ZSCAN18: variants seen among roughly 807,000 people sequenced by gnomAD.
The protein encoded by ZSCAN18 is zinc finger and SCAN domain containing 18.
A neutral mutation model predicts 31.1 loss-of-function variants in ZSCAN18; 16 were observed. That is an observed-to-expected ratio of 0.51 (90% CI 0.35 to 0.78). ZSCAN18 has a LOEUF of 0.78. Ranked by LOEUF, ZSCAN18 falls within the 30% of genes least tolerant of loss-of-function variation. The pLI is 0.01. For missense variants in ZSCAN18, 731 were observed against 697.4 expected (o/e 1.05, Z -0.54); for synonymous variants, 375 against 320.7 (o/e 1.17, Z -1.81).
Position 58,088,561 on chromosome 19 carries a change from C to G in ZSCAN18, c.553+127G>C. 1.1e-5 allele frequency: 10 copies of G among 897,584 alleles called. 1 individual carries two copies. In the South Asian group the frequency reaches 1.7e-4, roughly 16 times the overall value. 55.6% of individuals were successfully genotyped at this position (897,584 alleles called of 1,614,324 possible). A position where few individuals can be genotyped will look rare whatever the true frequency, so the allele number is the denominator to read the frequency against. On this transcript the variant is annotated intron_variant, in intron 3 of 6. Coordinates refer to ENST00000601144, the MANE Select transcript of ZSCAN18 (RefSeq NM_001145543.2). ...TCAGAGAAACTACAGGAGGAAGTCC[C>G]AATGATAGCATGGACCATGGAGCCC...
chr19:58,086,328 G>A, intron 5 of ZSCAN18, 62 bp from the exon 6 acceptor site: 6 of 1,502,706 alleles, frequency 4.0e-6, no homozygotes, highest in Non-Finnish European at 5.5e-6. Context: ...GATGGGTGTT[G>A]TGTGTCGTGG....
At chr19:58,089,763 G>C in intron 2 of ZSCAN18, 102 bp downstream of exon 2, 1 of 1,405,966 alleles carries the variant, frequency 7.1e-7, no homozygotes, top group Non-Finnish European at 9.6e-7. Context: ...TCAGCAGTGT[G>C]GGGAACTTAA....
chr19:58,118,366 C>A (rs974248781), exon 1 of ZSCAN18: 4 of 1,533,780 alleles, frequency 2.6e-6, no homozygotes, highest in Admixed American at 2.0e-5. Context: ...GCCGTAGCGT[C>A]CTCGTCAGCT....
chr19:58,112,004 C>T (rs1324787337), intron 1 of ZSCAN18, among the ~76,000 whole-genome samples: 3 of 152,118 alleles, frequency 2.0e-5, no homozygotes, highest in African/African-American at 4.8e-5. Context: ...ATTCCAAACC[C>T]GACCCCTGCC....
At chr19:58,106,317 A>C (rs570970243) in intron 1 of ZSCAN18, among the ~76,000 whole-genome samples, 1 of 152,228 alleles carries the variant, frequency 6.6e-6, no homozygotes, top group Non-Finnish European at 1.5e-5. Context: ...GTGAGAGGAC[A>C]ACTTGAGCCT....
At chr19:58,102,059 T>C (rs1189677172), upstream of ZSCAN18, among the ~76,000 whole-genome samples, 1 of 151,938 alleles carries the variant, frequency 6.6e-6, no homozygotes, top group Non-Finnish European at 1.5e-5. Context: ...CACACATGCA[T>C]ACACACACAC....
chr19:58,113,374 G>C (rs551351939), intron 1 of ZSCAN18, among the ~76,000 whole-genome samples: 2 of 151,924 alleles, frequency 1.3e-5, no homozygotes, highest in African/African-American at 4.8e-5. Flanking sequence ...GGATAACACA[G>C]ACAAAATGGG....
chr19:58,116,265 C>T (rs1002784971), intron 1 of ZSCAN18, among the ~76,000 whole-genome samples: 9 of 148,372 alleles, frequency 6.1e-5, no homozygotes, highest in Non-Finnish European at 8.9e-5. Context: ...TCACACACCC[C>T]CTCTGTGATC....
intron 1 of ZSCAN18, among the ~76,000 whole-genome samples, chr19:58,115,989 C>T (rs1017100104): frequency 2.0e-5 from 3 of 151,844 alleles, no homozygotes; most frequent in Non-Finnish European, 4.4e-5. Context: ...ACAAAAAAAA[C>T]TGTGGCATTT....
upstream of ZSCAN18, chr19:58,098,285 A>C: frequency 2.0e-6 from 2 of 985,422 alleles, no homozygotes; most frequent in Non-Finnish European, 1.2e-6. Flanking sequence ...CGACTCCCAC[A>C]ATGCCGCGAG....
chr19:58,099,470 T>C (rs572100607), upstream of ZSCAN18, among the ~76,000 whole-genome samples: 2 of 152,230 alleles, frequency 1.3e-5, no homozygotes, highest in East Asian at 1.9e-4. Flanking sequence ...CTATGGTATA[T>C]AGCAGTTTAA....
intron 1 of ZSCAN18, among the ~76,000 whole-genome samples, chr19:58,110,231 GT>G (rs2094114763): frequency 6.6e-6 from 1 of 152,064 alleles, no homozygotes; most frequent in Non-Finnish European, 1.5e-5. Context: ...ATCTCCAACT[GT>G]CCCCAAGATG....
upstream of ZSCAN18, chr19:58,098,258 G>A (rs931057747): frequency 7.1e-6 from 7 of 985,386 alleles, no homozygotes; most frequent in African/African-American, 1.0e-4. Flanking sequence ...CTGCGCACTG[G>A]GCCTCACCGC....
At position 58,084,362 on chromosome 19, in the gene ZSCAN18, T is replaced by A. The variant is rs1049738512; in HGVS notation, c.*323A>T. 1.5e-5 allele frequency: 4 copies of A among 274,846 alleles called. No homozygotes were observed. Among genetic ancestry groups the A allele is most frequent in the Non-Finnish European group, 2.0e-5 (3 of 147,766 alleles). 17.0% of individuals were successfully genotyped at this position (274,846 alleles called of 1,614,324 possible). ...GAAAGCACTGGCAGATCACGCACTT[T>A]AAGGCAACTCTACACTGCACAATGT... On this transcript the variant is annotated 3_prime_UTR_variant, in exon 7 of 7. Transcript: ENST00000601144. The surrounding 1 kb of genome is among the most constrained non-coding windows in gnomAD (Gnocchi z 4.5).
chr19:58,094,654 G>A (rs968347556), intron 1 of ZSCAN18, among the ~76,000 whole-genome samples: 2 of 151,796 alleles, frequency 1.3e-5, no homozygotes, highest in Admixed American at 1.3e-4. Flanking sequence ...ACGGTAGGTG[G>A]ACAGCTTGAG....
chr19:58,090,567 G>C lies in ZSCAN18; in HGVS notation c.-119-181C>G. On this transcript the variant is annotated intron_variant, in intron 1 of 6. Coordinates refer to ENST00000601144, the MANE Select transcript of ZSCAN18 (RefSeq NM_001145543.2). The surrounding 1 kb of genome is among the most constrained non-coding windows in gnomAD (Gnocchi z 4.7). Reference sequence around the variant, plus strand: ...AGATAAAAAGTAGCATGTAAATGGAGGGTAACTCATTCTGTGCATTACCAG... The same window carrying C: ...AGATAAAAAGTAGCATGTAAATGGACGGTAACTCATTCTGTGCATTACCAG... 1.8e-6 allele frequency: 1 copy of C among 542,546 alleles called. No homozygotes were observed. Among genetic ancestry groups the C allele is most frequent in the South Asian group, 3.8e-5 (1 of 26,388 alleles). The allele number at this position is 542,546 out of a possible 1,614,324, so 33.6% of individuals were successfully genotyped here. A position where few individuals can be genotyped will look rare whatever the true frequency, so the allele number is the denominator to read the frequency against.
intron 1 of ZSCAN18, among the ~76,000 whole-genome samples, chr19:58,115,353 T>C (rs1395855977): frequency 1.3e-5 from 2 of 152,246 alleles, no homozygotes; most frequent in Non-Finnish European, 2.9e-5. Context: ...TTTAAATATT[T>C]TATATTAAAG....
intron 1 of ZSCAN18, chr19:58,108,040 C>T: frequency 9.9e-7 from 1 of 1,012,222 alleles, no homozygotes; most frequent in Non-Finnish European, 1.2e-6. Flanking sequence ...CCTCTTGTGC[C>T]TGATGAGGTA....
intron 1 of ZSCAN18, among the ~76,000 whole-genome samples, chr19:58,096,516 G>C (rs1232084905): frequency 6.6e-6 from 1 of 152,248 alleles, no homozygotes; most frequent in East Asian, 1.9e-4. Flanking sequence ...TGGCTGAGCT[G>C]AGGGGTCCCA....
Sources: allele counts gnomAD v4.1 joint callset (sites outside exome capture counted in the v4.1 genomes callset), GRCh38; gene constraint gnomAD v4.1.1; non-coding constraint Gnocchi (gnomAD v3.1); transcripts MANE v1.5; gene names NCBI Gene and HGNC (gene_info 2026-07-23, HGNC 2026-07-21).